The following SYT1 variants were observed in gnomAD, a reference collection of about 807,000 sequenced individuals.
The protein encoded by SYT1 is synaptotagmin 1.
SYT1 carries 8 observed loss-of-function variants against 44.8 expected under a neutral mutation model. That is an observed-to-expected ratio of 0.18 (90% CI 0.10 to 0.32). The LOEUF is 0.32. Ranked by LOEUF, SYT1 falls within the 10% of genes least tolerant of loss-of-function variation. The pLI is 1.00. For synonymous variants in SYT1, 154 were observed against 188.8 expected (o/e 0.82, Z 1.51); for missense variants, 286 against 509.3 (o/e 0.56, Z 4.22).
intron 8 of SYT1, among the ~76,000 whole-genome samples, chr12:79,319,057 G>A (rs1881232388): frequency 1.3e-5 from 2 of 152,164 alleles, no homozygotes; most frequent in Non-Finnish European, 2.9e-5. Context: ...AACTTTCCAA[G>A]CTGTGTCACA....
intron 9 of SYT1, among the ~76,000 whole-genome samples, chr12:79,356,339 A>T (rs1227064848): frequency 2.0e-5 from 3 of 151,728 alleles, no homozygotes; most frequent in Non-Finnish European, 4.4e-5. Context: ...CACCCCTCAA[A>T]CATCATGCTT....
intron 3 of SYT1, among the ~76,000 whole-genome samples, chr12:79,151,187 G>A (rs1443233904): frequency 6.6e-6 from 1 of 152,126 alleles, no homozygotes; most frequent in African/African-American, 2.4e-5. Context: ...GCATGTCAGA[G>A]GTGTCAAGGG....
At chr12:79,089,516 G>GAA (rs540940722) in intron 3 of SYT1, among the ~76,000 whole-genome samples, 8 of 131,738 alleles carry the variant, frequency 6.1e-5, no homozygotes, top group Non-Finnish European at 1.3e-4. Context: ...AAAAAGAAAA[G>GAA]AAAAAAAAAA....
intron 1 of SYT1, among the ~76,000 whole-genome samples, chr12:78,882,106 G>T (rs1370971707): frequency 6.6e-6 from 1 of 151,724 alleles, no homozygotes; most frequent in Non-Finnish European, 1.5e-5. Flanking sequence ...CTCTATGGAA[G>T]CAGCCACAAT....
At chr12:78,894,641 AC>A (rs1224386168) in intron 1 of SYT1, among the ~76,000 whole-genome samples, 1 of 151,638 alleles carries the variant, frequency 6.6e-6, no homozygotes, top group Non-Finnish European at 1.5e-5. Context: ...GCTAGTTCTT[AC>A]AATTACGGCT....
chr12:79,030,510 G>A (rs947259365), intron 2 of SYT1, among the ~76,000 whole-genome samples: 3 of 150,936 alleles, frequency 2.0e-5, no homozygotes, highest in Non-Finnish European at 4.5e-5. Flanking sequence ...CTATTCCATT[G>A]AGCTCTAATT....
At chr12:79,069,525 A>G (rs544316038) in intron 3 of SYT1, among the ~76,000 whole-genome samples, 1 of 150,608 alleles carries the variant, frequency 6.6e-6, no homozygotes, top group East Asian at 1.9e-4. Flanking sequence ...TGATTTTTCT[A>G]TTTTATTTAT....
At chr12:79,387,559 A>G (rs7971881) in intron 9 of SYT1, among the ~76,000 whole-genome samples, 103,936 of 152,136 alleles carry the variant, frequency 0.68, 38,496 homozygotes, top group Non-Finnish European at 0.84. Flanking sequence ...ATCAAATGAA[A>G]TCACTGTAAA....
intron 1 of SYT1, among the ~76,000 whole-genome samples, chr12:78,928,853 C>T (rs1877453755): frequency 6.6e-6 from 1 of 152,024 alleles, no homozygotes; most frequent in Non-Finnish European, 1.5e-5. Context: ...TGCACGGTAA[C>T]TAAAGCCATG....
intron 8 of SYT1, among the ~76,000 whole-genome samples, chr12:79,322,701 C>T (rs1248905522): frequency 1.3e-5 from 2 of 152,098 alleles, no homozygotes; most frequent in Non-Finnish European, 1.5e-5. Context: ...GATTGGGGCT[C>T]TTAAAATAGA....
chr12:79,429,131 C>T (rs536025968), intron 9 of SYT1, among the ~76,000 whole-genome samples: 118 of 152,326 alleles, frequency 7.7e-4, no homozygotes, highest in African/African-American at 2.7e-3. Context: ...CCACCTCCAG[C>T]ATTGGGGATT....
At chr12:79,028,023 A>G (rs965698902) in intron 2 of SYT1, among the ~76,000 whole-genome samples, 3 of 151,552 alleles carry the variant, frequency 2.0e-5, no homozygotes, top group Non-Finnish European at 1.5e-5. Context: ...TGATCAGATT[A>G]AAGGGGAAAA....
chr12:78,916,330 C>T (rs1876653050), intron 1 of SYT1, among the ~76,000 whole-genome samples: 1 of 151,978 alleles, frequency 6.6e-6, no homozygotes, highest in Admixed American at 6.6e-5. Flanking sequence ...AAACAAAATT[C>T]TCATGTGAAG....
At chr12:79,195,649 T>C (rs955091330) in intron 3 of SYT1, among the ~76,000 whole-genome samples, 8 of 152,136 alleles carry the variant, frequency 5.3e-5, no homozygotes, top group African/African-American at 1.9e-4. Flanking sequence ...GGACTGCTTA[T>C]GGGGAGGAAA....
chr12:78,916,873 T>G (rs548129644), intron 1 of SYT1, among the ~76,000 whole-genome samples: 83 of 152,152 alleles, frequency 5.5e-4, no homozygotes, highest in Admixed American at 1.9e-3. Context: ...GATTCATTTC[T>G]TTTTTAAAAA....
At position 79,129,172 on chromosome 12, in the gene SYT1, G is replaced by A. The variant is rs117489051; in HGVS notation, c.-18+81810G>A. On this transcript the variant is annotated intron_variant, in intron 3 of 10. Transcript: ENST00000261205. ...GTTAACCAAAGGACTGCAATAATTG[G>A]TGTGGCATGACTCATAAAGCCTTTG... Among the ~76,000 whole-genome samples, 143 of 152,230 alleles carry A rather than the reference G, an allele frequency of 9.4e-4. No individual in the cohort carries two copies. The East Asian group carries it at 0.023, about 24-fold the overall frequency.
chr12:78,994,771 G>A (rs1592643127), intron 2 of SYT1, among the ~76,000 whole-genome samples: 1 of 151,876 alleles, frequency 6.6e-6, no homozygotes, highest in African/African-American at 2.4e-5. Flanking sequence ...TCCTGACCTC[G>A]TGATCCACCC....
At chr12:79,077,216 A>C (rs576827190) in intron 3 of SYT1, among the ~76,000 whole-genome samples, 1 of 152,026 alleles carries the variant, frequency 6.6e-6, no homozygotes, top group Non-Finnish European at 1.5e-5. Flanking sequence ...ATTTATTCCT[A>C]CAACATTGCT....
chr12:79,083,149 A>G (rs1877150492), intron 3 of SYT1, among the ~76,000 whole-genome samples: 1 of 152,200 alleles, frequency 6.6e-6, no homozygotes, highest in South Asian at 2.1e-4. Context: ...TGAGGAAAAA[A>G]TTATAATGTC....
Sources: gnomAD v4.1 joint callset for allele counts (sites outside exome capture counted in the v4.1 genomes callset) on GRCh38, gnomAD v4.1.1 for gene constraint, MANE v1.5 for transcripts, NCBI Gene and HGNC (gene_info 2026-07-23, HGNC 2026-07-21) for gene names.